CCDC63: variants seen among roughly 807,000 people sequenced by gnomAD.
CCDC63 encodes the protein coiled-coil domain containing 63.
CCDC63 carries 54 observed loss-of-function variants against 63.6 expected under a neutral mutation model. That is an observed-to-expected ratio of 0.85 (90% confidence interval 0.68 to 1.07). The LOEUF (loss-of-function observed/expected upper bound fraction) is 1.07. CCDC63 is among the 50% of genes least tolerant of loss of function. The pLI is 0.00. For synonymous variants in CCDC63, 253 were observed against 266.1 expected (o/e 0.95, Z 0.48); for missense variants, 637 against 689.6 (o/e 0.92, Z 0.86).
Position 110,907,243 on chromosome 12 carries a change from CA to C in CCDC63, c.1547-87del. ...CTGAGAATTTCCATGCTCCACTCCC[CA>C]GTGCTATGGAGGGACGCCAAACCAG... On this transcript the variant is annotated intron_variant, in intron 11 of 11. Transcript: ENST00000308208. This position sits in a 1 kb window ranked among gnomAD's most constrained non-coding sequence, Gnocchi z 4.4. The C allele has an allele frequency of 7.6e-7, 1 of 1,310,442 alleles. No individual in the cohort carries two copies. Among genetic ancestry groups the C allele is most frequent in the Non-Finnish European group, 1.1e-6 (1 of 948,010 alleles). The allele number at this position is 1,310,442 out of a possible 1,614,324, so 81.2% of individuals were successfully genotyped here. A position where few individuals can be genotyped will look rare whatever the true frequency, so the allele number is the denominator to read the frequency against.
chr12:110,853,567 A>C lies in CCDC63; in HGVS notation c.172A>C (p.Ser58Arg). Residue 58 changes from serine to arginine, a missense_variant, in exon 3 of 12, where the codon AGT (serine) becomes CGT (arginine). Physicochemically the swap from Ser to Arg is moderately radical, Grantham distance 110. Transcript: ENST00000308208. The part of the protein sequence containing the change: ...FKFRNQQKIA[S>R]QYKEIKTLKT... The stretch of plus-strand genomic sequence containing the variant: ...GTTCCGAAACCAGCAGAAGATTGCG[A>C]GTCAGTAGTAAGTGATGGTTGGAGT... The C allele has an allele frequency of 6.2e-7, 1 of 1,614,198 alleles. No individual in the cohort carries two copies. The highest frequency in any genetic ancestry group is 1.3e-5 in the African/African-American group (1 of 75,060).
chr12:110,858,530 C>G (rs1000679550), intron 3 of CCDC63, 56 bp from the exon 4 acceptor site: 16 of 1,520,136 alleles, frequency 1.1e-5, no homozygotes, highest in African/African-American at 1.4e-5. Flanking sequence ...GCCTGGAGTG[C>G]TCCGTCAAGT....
At chr12:110,864,446 G>A (rs1593650981) in intron 4 of CCDC63, among the ~76,000 whole-genome samples, 1 of 146,022 alleles carries the variant, frequency 6.8e-6, no homozygotes, top group Non-Finnish European at 1.5e-5. Context: ...AAAAGAGACT[G>A]GGCGCCGTGA....
intron 4 of CCDC63, among the ~76,000 whole-genome samples, chr12:110,868,710 G>C (rs897622067): frequency 4.3e-5 from 6 of 139,868 alleles, no homozygotes; most frequent in Non-Finnish European, 7.8e-5. Flanking sequence ...GGGAGACCGT[G>C]GGGAGAGGGA....
intron 5 of CCDC63, among the ~76,000 whole-genome samples, chr12:110,874,772 G>A (rs919624614): frequency 6.6e-6 from 1 of 152,136 alleles, no homozygotes; most frequent in African/African-American, 2.4e-5. Context: ...TGAAATACAT[G>A]GGCCTGAGTC....
intron 10 of CCDC63, among the ~76,000 whole-genome samples, chr12:110,901,467 A>G (rs2071486577): frequency 6.6e-6 from 1 of 151,924 alleles, no homozygotes; most frequent in South Asian, 2.1e-4. Flanking sequence ...TACTCAAGTC[A>G]TCCCGCTGCC....
chr12:110,897,819 C>T (rs531717414), intron 9 of CCDC63, among the ~76,000 whole-genome samples: 358 of 150,136 alleles, frequency 2.4e-3, no homozygotes, highest in Non-Finnish European at 3.1e-3. Flanking sequence ...CTGCAATTTC[C>T]GTCTCCTGGA....
intron 4 of CCDC63, 33 bp from the exon 5 acceptor site, chr12:110,873,809 C>T (rs1321279291): frequency 8.7e-6 from 14 of 1,609,694 alleles, no homozygotes; most frequent in South Asian, 1.1e-5. Flanking sequence ...GATGCTAACA[C>T]AGCTGGAATT....
At chr12:110,853,218 C>T (rs1019200739) in intron 2 of CCDC63, among the ~76,000 whole-genome samples, 187 bp from the exon 3 acceptor site, 2 of 152,126 alleles carry the variant, frequency 1.3e-5, no homozygotes, top group African/African-American at 4.8e-5. Context: ...TCAGTCATCT[C>T]TCCACCCTAG....
Position 110,907,339 on chromosome 12 carries a change from C to A in CCDC63, c.1555C>A (p.Pro519Thr), listed in dbSNP as rs751658449. The part of the protein sequence containing the change: ...FSDRLDDVEQ[P>T]LDHSSLRQLV... ...ATCTGATCTTGGTGCAGTGGAACAG[C>A]CCCTGGACCACAGCAGCCTTCGGCA... Residue 519 changes from proline to threonine, a missense_variant, in exon 12 of 12, where the codon CCC (proline) becomes ACC (threonine). Pro to Thr is a conservative substitution (Grantham distance 38). Transcript: ENST00000308208. This position sits in a 1 kb window ranked among gnomAD's most constrained non-coding sequence, Gnocchi z 4.4. 14 of 1,613,598 alleles carry A rather than the reference C, an allele frequency of 8.7e-6. No individual in the cohort carries two copies. The East Asian group carries it at 2.7e-4, about 31-fold the overall frequency.
Position 110,898,900 on chromosome 12 carries a change from C to G in CCDC63, c.1150-33C>G, listed in dbSNP as rs375007654. Reference sequence around the variant, plus strand: ...AAACACCCTGCCCACTGAAAGTCCTCCTGAGCAGGTGGGAATTGGGGTCTG... The same window carrying G: ...AAACACCCTGCCCACTGAAAGTCCTGCTGAGCAGGTGGGAATTGGGGTCTG... On this transcript the variant is annotated intron_variant, in intron 9 of 11. Coordinates refer to ENST00000308208, the MANE Select transcript of CCDC63 (RefSeq NM_152591.3). 2.6e-6 allele frequency: 4 copies of G among 1,532,456 alleles called. No homozygotes were observed. The South Asian group carries it at 3.9e-5, about 15-fold the overall frequency. 94.9% of individuals were successfully genotyped at this position (1,532,456 alleles called of 1,614,324 possible).
chr12:110,855,856 C>G (rs1297717857), intron 3 of CCDC63, among the ~76,000 whole-genome samples: 1 of 152,134 alleles, frequency 6.6e-6, no homozygotes. Context: ...GCTGGGATTA[C>G]AGGCATGAGC....
At chr12:110,904,471 T>A in intron 10 of CCDC63, 117 bp from the exon 11 acceptor site, 1 of 811,532 alleles carries the variant, frequency 1.2e-6, no homozygotes, top group Non-Finnish European at 2.1e-6. Flanking sequence ...AGAGCCCAGA[T>A]CCCGCACCTC....
At chr12:110,893,037 A>G (rs748027250) in intron 8 of CCDC63, 39 bp from the exon 9 acceptor site, 2 of 1,549,212 alleles carry the variant, frequency 1.3e-6, no homozygotes, top group Non-Finnish European at 1.8e-6. Flanking sequence ...GGGAGGGAAG[A>G]GCCCACTTTT....
At chr12:110,859,670 C>CAA (rs533303804) in intron 4 of CCDC63, among the ~76,000 whole-genome samples, 2 of 134,262 alleles carry the variant, frequency 1.5e-5, no homozygotes, top group Non-Finnish European at 3.2e-5. Context: ...ATTATGGTAA[C>CAA]AAAAAAAAAA....
chr12:110,863,586 G>C (rs1245776026), intron 4 of CCDC63, among the ~76,000 whole-genome samples: 2 of 150,872 alleles, frequency 1.3e-5, no homozygotes, highest in Non-Finnish European at 2.9e-5. Flanking sequence ...CGTTGCCCAG[G>C]CTGGAGTGCA....
At chr12:110,885,682 A>G (rs955524110) in intron 8 of CCDC63, among the ~76,000 whole-genome samples, 5 of 152,080 alleles carry the variant, frequency 3.3e-5, no homozygotes, top group Admixed American at 2.0e-4. Flanking sequence ...CTGACCCTGC[A>G]CAAATGTCGC....
At chr12:110,875,484 C>A (rs1237440648) in intron 5 of CCDC63, among the ~76,000 whole-genome samples, 1 of 151,982 alleles carries the variant, frequency 6.6e-6, no homozygotes, top group African/African-American at 2.4e-5. Flanking sequence ...ACTCTGTCAC[C>A]TAGGCTGGAG....
In CCDC63 at chr12:110,847,032, G is replaced by C. The variant is rs1181421671; in HGVS notation, c.-170G>C. 1.3e-5 allele frequency: 2 copies of C among 152,168 alleles called. No individual in the cohort carries two copies. The highest frequency in any genetic ancestry group is 4.8e-5 in the African/African-American group (2 of 41,428). The allele number at this position is 152,168 out of a possible 1,614,324, so 9.4% of individuals were successfully genotyped here. On this transcript the variant is annotated 5_prime_UTR_variant, in exon 1 of 12. Coordinates refer to ENST00000308208, the MANE Select transcript of CCDC63 (RefSeq NM_152591.3). ...AGCAAGCAGTCCTCCCGGCACCGTC[G>C]GAAGCGCAGTTGCAGCAGCCGTCGG...
Sources: gnomAD v4.1 joint callset for allele counts (sites outside exome capture counted in the v4.1 genomes callset) on GRCh38, gnomAD v4.1.1 for gene constraint, Gnocchi (gnomAD v3.1) non-coding constraint, MANE v1.5 for transcripts, NCBI Gene and HGNC (gene_info 2026-07-23, HGNC 2026-07-21) for gene names.